The following ARL17A variants were observed in gnomAD, a reference collection of about 807,000 sequenced individuals.
The protein encoded by ARL17A is ADP-ribosylation factor-like 17-like.
chr17:46,542,134 AG>A (rs1403374088), intron 3 of ARL17A, among the ~76,000 whole-genome samples: 19 of 141,264 alleles, frequency 1.3e-4, no homozygotes, highest in Non-Finnish European at 2.5e-4. Flanking sequence ...TAAAAAAAAA[AG>A]TAAGAAATAA....
chr17:46,550,972 A>C (rs1366303399), downstream of ARL17A, among the ~76,000 whole-genome samples: 2 of 149,580 alleles, frequency 1.3e-5, no homozygotes, highest in Admixed American at 6.6e-5. Context: ...AGATTTACAC[A>C]GTATCGTCCT....
At chr17:46,533,551 G>T (rs1405366020) in intron 4 of ARL17A, among the ~76,000 whole-genome samples, 2 of 130,070 alleles carry the variant, frequency 1.5e-5, no homozygotes, top group Non-Finnish European at 3.1e-5. Context: ...GCCCAGGCTA[G>T]AGTGCAGTGG....
chr17:46,525,839 T>TA (rs2052678463), downstream of ARL17A, among the ~76,000 whole-genome samples: 2 of 89,742 alleles, frequency 2.2e-5, no homozygotes, highest in Non-Finnish European at 4.6e-5. Flanking sequence ...CCAGGGGACT[T>TA]TCATTCCTCA....
At chr17:46,516,262 C>G (rs1248672599), downstream of ARL17A, among the ~76,000 whole-genome samples, 1 of 130,642 alleles carries the variant, frequency 7.7e-6, no homozygotes, top group African/African-American at 2.7e-5. Context: ...GAGATTGCAC[C>G]ACTGCACTCC....
the ARL17A span, among the ~76,000 whole-genome samples, chr17:46,501,892 C>A: frequency 6.6e-6 from 1 of 151,134 alleles, no homozygotes; most frequent in South Asian, 2.1e-4. Flanking sequence ...TATACTATAC[C>A]CACTTTTGTA....
downstream of ARL17A, among the ~76,000 whole-genome samples, chr17:46,550,839 C>T (rs554512890): frequency 3.8e-5 from 5 of 132,292 alleles, no homozygotes; most frequent in East Asian, 1.1e-3. Flanking sequence ...TACTCTGCCA[C>T]TAATTTATTT....
intron 3 of ARL17A, among the ~76,000 whole-genome samples, chr17:46,543,612 A>C (rs2055813384): frequency 6.6e-6 from 1 of 150,824 alleles, no homozygotes; most frequent in Non-Finnish European, 1.5e-5. Context: ...TCAATGGTGA[A>C]GGGTCATTAT....
downstream of ARL17A, among the ~76,000 whole-genome samples, chr17:46,528,147 T>C (rs1257051199): frequency 9.4e-6 from 1 of 106,706 alleles, no homozygotes; most frequent in Non-Finnish European, 2.0e-5. Flanking sequence ...GGGTTTATGC[T>C]CACCGGTCAG....
intron 4 of ARL17A, among the ~76,000 whole-genome samples, chr17:46,531,996 T>G (rs1181681688): frequency 2.0e-5 from 3 of 148,656 alleles, no homozygotes; most frequent in Non-Finnish European, 3.0e-5. Flanking sequence ...GTGTGAGATG[T>G]AGGGGGTCCA....
chr17:46,558,383 T>G (rs1468925539), intron 3 of ARL17A, among the ~76,000 whole-genome samples: 5 of 106,966 alleles, frequency 4.7e-5, no homozygotes, highest in Non-Finnish European at 9.2e-5. Flanking sequence ...GGGGTTTTTT[T>G]TGTGTTTTGT....
chr17:46,548,645 T>G (rs769134814), downstream of ARL17A: 50 of 1,604,508 alleles, frequency 3.1e-5, no homozygotes, highest in Non-Finnish European at 4.2e-5. Context: ...AGAGTCCTCA[T>G]GGGCCCAAGG....
At chr17:46,502,898 G>C in the ARL17A span, among the ~76,000 whole-genome samples, 2 of 150,652 alleles carry the variant, frequency 1.3e-5, no homozygotes, top group Admixed American at 1.3e-4. Flanking sequence ...TGGTCTCCGT[G>C]GTAGCACTCA....
At chr17:46,568,940 CTCTTT>C (rs1481324905) in intron 3 of ARL17A, among the ~76,000 whole-genome samples, 5 of 117,148 alleles carry the variant, frequency 4.3e-5, no homozygotes, top group African/African-American at 1.6e-4. Context: ...CTTTTTTTTT[CTCTTT>C]TTTTTTTTTT....
At chr17:46,558,932 T>C (rs1477749016) in intron 3 of ARL17A, 4 of 109,568 alleles carry the variant, frequency 3.7e-5, no homozygotes, top group Non-Finnish European at 7.2e-5. Flanking sequence ...CCCGCCTTGG[T>C]CTCTCAACGT....
At chr17:46,552,456 G>A (rs1259258553), downstream of ARL17A, 1 of 32,418 alleles carries the variant, frequency 3.1e-5, no homozygotes, top group Non-Finnish European at 5.6e-5. Flanking sequence ...AAATGTGTTC[G>A]TAGAGACAAG....
chr17:46,516,446 G>A (rs1487244128), downstream of ARL17A, among the ~76,000 whole-genome samples: 1 of 145,448 alleles, frequency 6.9e-6, no homozygotes, highest in Non-Finnish European at 1.5e-5. Flanking sequence ...TGCTACATGG[G>A]TAAGCTAAAA....
At chr17:46,534,363 T>C (rs2054237927) in intron 4 of ARL17A, among the ~76,000 whole-genome samples, 1 of 145,124 alleles carries the variant, frequency 6.9e-6, no homozygotes, top group South Asian at 2.1e-4. Flanking sequence ...AGTGTTTGTG[T>C]CCCTGGGTAC....
chr17:46,541,440 C>A (rs1351999933), intron 3 of ARL17A, among the ~76,000 whole-genome samples: 7 of 148,792 alleles, frequency 4.7e-5, no homozygotes, highest in Non-Finnish European at 7.4e-5. Flanking sequence ...TTAGTAGAGA[C>A]AAGGTTTCGC....
downstream of ARL17A, chr17:46,548,854 C>G (rs1352296747): frequency 1.2e-6 from 2 of 1,612,476 alleles, no homozygotes; most frequent in Non-Finnish European, 1.7e-6. Flanking sequence ...TTCCTTCACC[C>G]AAGAGCATAA....
Sources: allele counts gnomAD v4.1 joint callset (sites outside exome capture counted in the v4.1 genomes callset), GRCh38; gene constraint gnomAD v4.1.1; transcripts MANE v1.5; gene names NCBI Gene and HGNC (gene_info 2026-07-23, HGNC 2026-07-21).